The following NR1I3 variants were observed in gnomAD, a reference collection of about 807,000 sequenced individuals.
NR1I3 encodes nuclear receptor subfamily 1 group I member 3, also known as constitutive activator of retinoid response.
NR1I3 carries 30 observed loss-of-function variants against 38.4 expected under a neutral mutation model. The ratio of observed to expected loss-of-function variants is 0.78; its 90% CI spans 0.58 to 1.06. The LOEUF (loss-of-function observed/expected upper bound fraction) is 1.06, where lower values mean the gene tolerates loss of function less well. NR1I3 is among the 50% of genes least tolerant of loss of function. The pLI, the probability that NR1I3 is intolerant of heterozygous loss-of-function variation, is 0.00. For synonymous variants in NR1I3, 143 were observed against 165.1 expected (o/e 0.87, Z 1.03); for missense variants, 388 against 435.7 (o/e 0.89, Z 0.97).
At position 161,229,746 on chromosome 1, in the gene NR1I3, C is replaced by T. The variant is rs755081784; in HGVS notation, c.*51G>A. On this transcript the variant is annotated 3_prime_UTR_variant, in exon 9 of 9. Coordinates refer to ENST00000367983, the MANE Select transcript of NR1I3 (RefSeq NM_005122.5). Reference sequence around the variant, plus strand: ...CTTTGGTCCCAGCATTTTCCCACTCCAGTGTATCCAGGGTGTTCCAGGTGA... The same window carrying T: ...CTTTGGTCCCAGCATTTTCCCACTCTAGTGTATCCAGGGTGTTCCAGGTGA... The T allele has an allele frequency of 1.2e-6, 2 of 1,614,122 alleles. No homozygotes were observed. Among genetic ancestry groups the T allele is most frequent in the South Asian group, 1.1e-5 (1 of 91,088 alleles).
chr1:161,237,982 C>A, intron 1 of NR1I3, 59 bp downstream of exon 1: 1 of 1,513,416 alleles, frequency 6.6e-7, no homozygotes, highest in Non-Finnish European at 9.2e-7. Flanking sequence ...CTATGCCTAG[C>A]CCCCAGCATT....
At chr1:161,234,191 C>CG (rs1410655075) in intron 3 of NR1I3, among the ~76,000 whole-genome samples, 2 of 149,286 alleles carry the variant, frequency 1.3e-5, no homozygotes, top group African/African-American at 2.5e-5. Context: ...TTAGTAGAGA[C>CG]GGGGTTTCAC....
Position 161,229,704 on chromosome 1 carries a change from T to G in NR1I3, c.*93A>C. ...CTTTCATTGCAACCACTGGGCTCCC[T>G]TTGAACCCGGCCCAATCTTTGGTCC... On this transcript the variant is annotated 3_prime_UTR_variant, in exon 9 of 9. Coordinates refer to ENST00000367983, the MANE Select transcript of NR1I3 (RefSeq NM_005122.5). The G allele has an allele frequency of 1.2e-6, 2 of 1,613,982 alleles. No individual in the cohort carries two copies. The highest frequency in any genetic ancestry group is 1.7e-6 in the Non-Finnish European group (2 of 1,180,008).
chr1:161,237,077 C>G (rs957421359), intron 1 of NR1I3, among the ~76,000 whole-genome samples: 1 of 151,924 alleles, frequency 6.6e-6, no homozygotes, highest in South Asian at 2.1e-4. Context: ...ACCTCACACT[C>G]CTGGGCTCAA....
chr1:161,236,558 C>T lies in NR1I3; in HGVS notation c.8G>A (p.Ser3Asn), dbSNP rs775354866. The T allele has an allele frequency of 1.5e-5, 25 of 1,613,994 alleles. No individual in the cohort carries two copies. In the South Asian group the frequency reaches 2.4e-4, roughly 16 times the overall value. Residue 3 changes from serine to asparagine, a missense_variant, in exon 2 of 9, where the codon AGT (serine) becomes AAT (asparagine). Transcript: ENST00000367983. MASREDELRNCVV... is the reference protein window; with the variant it reads MANREDELRNCVV... The stretch of plus-strand genomic sequence containing the variant: ...ACAGTTCCTCAGCTCATCTTCCCTA[C>T]TGGCCATGACGTCACGTGTTGGGGT...
chr1:161,236,011 A>G, intron 2 of NR1I3, 34 bp from the exon 3 acceptor site: 2 of 1,553,832 alleles, frequency 1.3e-6, no homozygotes, highest in Non-Finnish European at 8.7e-7. Flanking sequence ...AGAGTCTGGG[A>G]TGCAATGGAT....
chr1:161,236,395 G>A (rs960566918), intron 2 of NR1I3, 64 bp downstream of exon 2: 14 of 1,596,604 alleles, frequency 8.8e-6, no homozygotes, highest in Admixed American at 8.5e-5. Context: ...CAGCGAGGGT[G>A]TAAAGGCTGA....
chr1:161,232,887 A>G lies in NR1I3; in HGVS notation c.468T>C (p.Pro156=), dbSNP rs775185492. Residue 156 remains proline (P), a synonymous_variant, in exon 5 of 9, where the codon CCT becomes CCC. Transcript: ENST00000367983. ...TGATGTCTGCGAAGTGTGTGACCAG[A>G]GGCAGCACAGGGGCCAGGGTGGGCA... ...QPLPTLAPVL[P]LVTHFADINT... 1 of 1,614,230 alleles carries G rather than the reference A, an allele frequency of 6.2e-7. No individual in the cohort carries two copies. The highest frequency in any genetic ancestry group is 1.3e-5 in the African/African-American group (1 of 75,064).
At chr1:161,230,747 G>T (rs1375641620) in intron 8 of NR1I3, 66 bp downstream of exon 8, 1 of 1,606,884 alleles carries the variant, frequency 6.2e-7, no homozygotes, top group Admixed American at 1.7e-5. Flanking sequence ...TTCCTCCCAA[G>T]CTCAATGTTT....
At chr1:161,236,393 G>T (rs907375650) in intron 2 of NR1I3, 66 bp downstream of exon 2, 2 of 1,589,558 alleles carry the variant, frequency 1.3e-6, no homozygotes, top group Non-Finnish European at 1.7e-6. Flanking sequence ...ACCAGCGAGG[G>T]TGTAAAGGCT....
chr1:161,231,464 T>A lies in NR1I3; in HGVS notation c.559A>T (p.Ile187Phe), dbSNP rs1320719253. 1.9e-6 allele frequency: 3 copies of A among 1,576,864 alleles called. No homozygotes were observed. The highest frequency in any genetic ancestry group is 2.6e-6 in the Non-Finnish European group (3 of 1,171,110). Residue 187 changes from isoleucine to phenylalanine, a missense_variant, in exon 6 of 9, where the codon ATT (isoleucine) becomes TTT (phenylalanine). Physicochemically the swap from Ile to Phe is conservative, Grantham distance 21. Transcript: ENST00000367983. Reference sequence around the variant, plus strand: ...TTGAGAAGGGAGATCTGGTCTTCAATGGGCAGGGAACTGTGGAAAGCAGGA... The same window carrying A: ...TTGAGAAGGGAGATCTGGTCTTCAAAGGGCAGGGAACTGTGGAAAGCAGGA... ...KDLPVFRSLP[I>F]EDQISLLKGA...
chr1:161,233,225 G>C lies in NR1I3; in HGVS notation c.352C>G (p.Leu118Val), dbSNP rs139629845. 90 of 1,614,034 alleles carry C rather than the reference G, an allele frequency of 5.6e-5. No individual in the cohort carries two copies. In the African/African-American group the frequency reaches 1.1e-3, roughly 21 times the overall value. The change falls in exon 4 of 9, where the codon CTG (leucine) becomes GTG (valine). Residue 118 changes from leucine (L) to valine (V), a missense_variant. Physicochemically the swap from Leu to Val is conservative, Grantham distance 32. Coordinates refer to ENST00000367983, the MANE Select transcript of NR1I3 (RefSeq NM_005122.5). ...CCCATGTGGCGGGTGTGGGCCCCCA[G>C]GAGTGTCCGGATCAGCTCTTCTTGC... ...KEQEELIRTL[L>V]GAHTRHMGTM...
rs1213604678 is a variant in NR1I3, at chr1:161,230,823, G to A, written c.907C>T (p.Pro303Ser). ...AGTGTCCCACCGTACCGATCCCGGG[G>A]CCTTCGCTGCTGGCCCTTGATGTAG... is the stretch of plus-strand genomic sequence containing the variant. Reference protein sequence around the residue: ...QSYIKGQQRRPRDRFLYAKLL... With the variant: ...QSYIKGQQRRSRDRFLYAKLL... Residue 303 changes from proline to serine, a missense_variant, in exon 8 of 9, where the codon CCC becomes TCC. Coordinates refer to ENST00000367983, the MANE Select transcript of NR1I3 (RefSeq NM_005122.5). 1.2e-6 allele frequency: 2 copies of A among 1,614,138 alleles called. No homozygotes were observed. Among genetic ancestry groups the A allele is most frequent in the Non-Finnish European group, 1.7e-6 (2 of 1,180,034 alleles).
intron 1 of NR1I3, among the ~76,000 whole-genome samples, chr1:161,237,206 C>CT (rs113293798): frequency 0.022 from 3,074 of 137,408 alleles, 92 homozygotes; most frequent in African/African-American, 0.067. Flanking sequence ...CCTTTCTTTC[C>CT]TTTTTTTTTT....
rs763894632 is a variant in NR1I3 at position 161,235,943 on chromosome 1, G to C, written c.142C>G (p.Pro48Ala). ...TVSKSIGPTC[P>A]FAGSCEVSKT... ...CTGACTTCACAGCTTCCAGCAAAGG[G>C]GCAGGTGGGACCAATGCTTTTGCTG... Residue 48 changes from proline (P) to alanine (A), a missense_variant, in exon 3 of 9, where the codon CCC (proline) becomes GCC (alanine). By Grantham distance (27) the Pro-to-Ala change is conservative. Transcript: ENST00000367983. 4 of 1,610,582 alleles carry C rather than the reference G, an allele frequency of 2.5e-6. No individual in the cohort carries two copies. The East Asian group carries it at 6.7e-5, about 27-fold the overall frequency.
intron 3 of NR1I3, among the ~76,000 whole-genome samples, chr1:161,233,854 T>A (rs1571723406): frequency 7.0e-6 from 1 of 141,848 alleles, no homozygotes; most frequent in East Asian, 2.0e-4. Context: ...TGTGTGTGTG[T>A]GTGTGTGTGT....
Position 161,236,590 on chromosome 1 carries a change from C to G in NR1I3, c.-25G>C. The G allele has an allele frequency of 6.2e-7, 1 of 1,613,622 alleles. No homozygotes were observed. The highest frequency in any genetic ancestry group is 1.1e-5 in the South Asian group (1 of 91,044). ...TGACGTCACGTGTTGGGGTGGCTGT[C>G]ACAGACTCCTGAATGTAGGAGGGGT... On this transcript the variant is annotated 5_prime_UTR_variant, in exon 2 of 9. The change abolishes the stop of an existing upstream ORF in the 5' untranslated region. Transcript: ENST00000367983.
intron 3 of NR1I3, 107 bp from the exon 4 acceptor site, chr1:161,233,445 G>C: frequency 1.8e-6 from 2 of 1,140,890 alleles, no homozygotes; most frequent in Non-Finnish European, 2.5e-6. Flanking sequence ...ACGAAGGATG[G>C]GGGCAGTGGG....
At position 161,235,957 on chromosome 1, in the gene NR1I3, A is replaced by G. The variant is rs747349033; in HGVS notation, c.128T>C (p.Ile43Thr). 82 of 1,603,726 alleles carry G rather than the reference A, an allele frequency of 5.1e-5. No homozygotes were observed. The highest frequency in any genetic ancestry group is 1.7e-4 in the Middle Eastern group (1 of 6,024). ...TCCAGCAAAGGGGCAGGTGGGACCA[A>G]TGCTTTTGCTGACTGTTCTCCTGTG... ...GFFRRTVSKS[I>T]GPTCPFAGSC... The change falls in exon 3 of 9, where the codon ATT becomes ACT. Residue 43 changes from isoleucine to threonine, a missense_variant. Coordinates refer to ENST00000367983, the MANE Select transcript of NR1I3 (RefSeq NM_005122.5).
Sources: allele counts gnomAD v4.1 joint callset (sites outside exome capture counted in the v4.1 genomes callset), GRCh38; gene constraint gnomAD v4.1.1; transcripts MANE v1.5; gene names NCBI Gene and HGNC (gene_info 2026-07-23, HGNC 2026-07-21).